KIAA1549: variants seen among roughly 807,000 people sequenced by gnomAD.
KIAA1549 encodes KIAA1549, also known as UPF0606 protein KIAA1549.
Under a neutral mutation model 156.4 loss-of-function variants are expected in KIAA1549, and 70 were observed. That is an observed-to-expected ratio of 0.45 (90% CI 0.37 to 0.55). The LOEUF is 0.55. Among genes scored for constraint, KIAA1549 ranks in the 20% least tolerant of loss-of-function variants. The pLI, the probability that KIAA1549 is intolerant of heterozygous loss-of-function variation, is 0.00. For missense variants in KIAA1549, 2,428 were observed against 2,540.9 expected (o/e 0.96, Z 0.96); for synonymous variants, 1,103 against 1,066.4 (o/e 1.03, Z -0.67).
intron 11 of KIAA1549, among the ~76,000 whole-genome samples, chr7:138,881,030 C>G (rs532529277): frequency 6.6e-6 from 1 of 152,218 alleles, no homozygotes; most frequent in Admixed American, 6.5e-5. Context: ...GCTGTGCACT[C>G]CTTCTATGTT....
chr7:138,938,254 T>C (rs1813076695), intron 1 of KIAA1549, among the ~76,000 whole-genome samples: 1 of 152,254 alleles, frequency 6.6e-6, no homozygotes, highest in Admixed American at 6.5e-5. Flanking sequence ...CTGTGAGTGA[T>C]AATTTTCTAT....
chr7:138,899,878 T>C (rs897673578), intron 8 of KIAA1549, among the ~76,000 whole-genome samples: 2 of 152,212 alleles, frequency 1.3e-5, no homozygotes, highest in African/African-American at 4.8e-5. Flanking sequence ...GACAGTTTTT[T>C]ATGCCCTTAT....
rs768672940 is a variant in KIAA1549 at position 138,868,031 on chromosome 7, C to T, written c.4873G>A (p.Asp1625Asn). 5 of 1,613,926 alleles carry T rather than the reference C, an allele frequency of 3.1e-6. No individual in the cohort carries two copies. Among genetic ancestry groups the T allele is most frequent in the Non-Finnish European group, 4.2e-6 (5 of 1,179,868 alleles). ...CCGGGGGGCCTCCTGTAGGTGCCAT[C>T]GCTGTCTGTGGTGATGAGCCGGTCC... ...EKDRLITTDS[D>N]GTYRRPPGVH... is the part of the protein sequence containing the mutation. Residue 1625 changes from aspartate to asparagine, a missense_variant, in exon 15 of 20, where the codon GAT (aspartate) becomes AAT (asparagine). This residue lies in a region of KIAA1549 where 404 missense variants were observed against 417.0 expected (regional missense o/e 0.97). Coordinates refer to ENST00000422774, the MANE Select transcript of KIAA1549 (RefSeq NM_001164665.2).
intron 17 of KIAA1549, among the ~76,000 whole-genome samples, chr7:138,850,875 G>A (rs1056062472): frequency 5.9e-5 from 9 of 152,058 alleles, no homozygotes; most frequent in African/African-American, 1.9e-4. Flanking sequence ...ATTCTACTAG[G>A]ATTAGCAAAT....
chr7:138,903,562 TC>T (rs1811903255), intron 8 of KIAA1549, 25 bp downstream of exon 8: 1 of 1,608,496 alleles, frequency 6.2e-7, no homozygotes, highest in Non-Finnish European at 8.5e-7. Context: ...TCTCTCTCCT[TC>T]CCCTCCTCCT....
intron 15 of KIAA1549, among the ~76,000 whole-genome samples, chr7:138,861,686 T>A (rs1167445603): frequency 1.6e-5 from 2 of 125,876 alleles, no homozygotes; most frequent in African/African-American, 6.2e-5. Flanking sequence ...ACCCCCCCCA[T>A]CTCTAAAAAA....
intron 9 of KIAA1549, 122 bp from the exon 10 acceptor site, chr7:138,894,648 G>T: frequency 1.2e-6 from 1 of 868,432 alleles, no homozygotes; most frequent in Non-Finnish European, 1.8e-6. Flanking sequence ...CTGGTTCCAG[G>T]TTCTAATCTC....
intron 10 of KIAA1549, among the ~76,000 whole-genome samples, chr7:138,884,354 C>T (rs373660180): frequency 6.6e-6 from 1 of 152,114 alleles, no homozygotes; most frequent in East Asian, 1.9e-4. Flanking sequence ...AACAGGCCCC[C>T]TCTTGGCCAA....
chr7:138,941,575 G>C (rs1294935728), intron 1 of KIAA1549, among the ~76,000 whole-genome samples: 6 of 152,198 alleles, frequency 3.9e-5, no homozygotes, highest in Admixed American at 2.6e-4. Context: ...CTTACTCAGA[G>C]AAGTGTTAAT....
chr7:138,922,190 G>A (rs1261674345), intron 1 of KIAA1549, among the ~76,000 whole-genome samples: 1 of 152,216 alleles, frequency 6.6e-6, no homozygotes, highest in African/African-American at 2.4e-5. Flanking sequence ...GTCATCCCGA[G>A]TGTGGAACCT....
intron 1 of KIAA1549, among the ~76,000 whole-genome samples, chr7:138,924,182 C>CTTTTT (rs1233229501): frequency 1.2e-4 from 11 of 92,264 alleles, no homozygotes; most frequent in East Asian, 2.7e-4. Context: ...CTTTTCTTTT[C>CTTTTT]TTTTTTTTTT....
At chr7:138,875,854 G>A (rs1424151570) in intron 12 of KIAA1549, among the ~76,000 whole-genome samples, 1 of 151,398 alleles carries the variant, frequency 6.6e-6, no homozygotes, top group Non-Finnish European at 1.5e-5. Flanking sequence ...GGAGTGTGGT[G>A]ATGCAATCAC....
chr7:138,908,252 G>A (rs1335155929), intron 5 of KIAA1549, among the ~76,000 whole-genome samples: 2 of 151,904 alleles, frequency 1.3e-5, no homozygotes, highest in African/African-American at 4.8e-5. Context: ...AATGACTTAG[G>A]AAACAGAAGA....
At chr7:138,952,780 C>A (rs1813538870) in intron 1 of KIAA1549, among the ~76,000 whole-genome samples, 1 of 152,162 alleles carries the variant, frequency 6.6e-6, no homozygotes, top group African/African-American at 2.4e-5. Context: ...GGTGTTCTAT[C>A]TAGAAGGTTC....
chr7:138,977,557 G>A (rs1216975820), intron 1 of KIAA1549, among the ~76,000 whole-genome samples: 1 of 151,862 alleles, frequency 6.6e-6, no homozygotes, highest in African/African-American at 2.4e-5. Context: ...ACCTACTAGG[G>A]GCCCAGCATT....
chr7:138,841,578 A>T (rs1033353719), intron 18 of KIAA1549, among the ~76,000 whole-genome samples: 1 of 152,192 alleles, frequency 6.6e-6, no homozygotes, highest in African/African-American at 2.4e-5. Flanking sequence ...GAAATAGAAT[A>T]CTTATTTCTA....
At chr7:138,869,380 G>A (rs891727120) in intron 14 of KIAA1549, among the ~76,000 whole-genome samples, 158 bp downstream of exon 14, 4 of 152,228 alleles carry the variant, frequency 2.6e-5, no homozygotes, top group Admixed American at 2.6e-4. Flanking sequence ...TTCTGTGCAT[G>A]AGCCCCTTCA....
intron 1 of KIAA1549, among the ~76,000 whole-genome samples, chr7:138,973,457 C>G (rs757087263): frequency 6.6e-5 from 10 of 152,184 alleles, no homozygotes; most frequent in Non-Finnish European, 1.3e-4. Flanking sequence ...CTCTCCTCCT[C>G]TCCTGGCTCT....
At chr7:138,867,877 G>A in intron 15 of KIAA1549, 98 bp downstream of exon 15, 1 of 1,310,474 alleles carries the variant, frequency 7.6e-7, no homozygotes, top group South Asian at 1.4e-5. Flanking sequence ...ATACCACACA[G>A]GGCGGCAGCC....
Sources: gnomAD v4.1 joint callset for allele counts (sites outside exome capture counted in the v4.1 genomes callset) on GRCh38, gnomAD v4.1.1 for gene constraint, gnomAD v4.1.1 regional missense constraint, MANE v1.5 for transcripts, NCBI Gene and HGNC (gene_info 2026-07-23, HGNC 2026-07-21) for gene names.